TUSC3: variants seen among roughly 807,000 people sequenced by gnomAD.
TUSC3 encodes the protein dolichyl-diphosphooligosaccharide--protein glycosyltransferase subunit TUSC3.
TUSC3 carries 45 observed loss-of-function variants against 44.8 expected under a neutral mutation model. The ratio of observed to expected loss-of-function variants is 1.00; its 90% CI spans 0.79 to 1.29. The LOEUF is 1.29. TUSC3 is among the 50% of genes most tolerant of loss of function. The probability of loss-of-function intolerance (pLI) is 0.00; values close to 1 mark genes in which losing one functional copy is unlikely to be tolerated. For synonymous variants in TUSC3, 212 were observed against 152.9 expected, an observed-to-expected ratio of 1.39 and a Z score of -2.85; for missense variants, 519 against 437.9, an observed-to-expected ratio of 1.19 and a Z score of -1.65.
chr8:15,516,775 G>A (rs1244136733), intron 2 of TUSC3, among the ~76,000 whole-genome samples: 1 of 152,054 alleles, frequency 6.6e-6, no homozygotes. Flanking sequence ...TAAAAATGAA[G>A]AGTAATAGAT....
intron 1 of TUSC3, among the ~76,000 whole-genome samples, chr8:15,448,646 A>C (rs1800143784): frequency 6.6e-6 from 1 of 152,216 alleles, no homozygotes; most frequent in East Asian, 1.9e-4. Flanking sequence ...ATAATATTGC[A>C]GGATTGGCTA....
At chr8:15,485,464 C>CTTTTTTTT (rs11372919) in intron 2 of TUSC3, among the ~76,000 whole-genome samples, 12 of 135,240 alleles carry the variant, frequency 8.9e-5, no homozygotes, top group Non-Finnish European at 4.8e-5. Context: ...ACTCTGTTGT[C>CTTTTTTTT]TTTTTTTTTT....
At chr8:15,671,709 A>T (rs1027357438) in intron 5 of TUSC3, among the ~76,000 whole-genome samples, 2 of 152,040 alleles carry the variant, frequency 1.3e-5, no homozygotes, top group Admixed American at 1.3e-4. Flanking sequence ...CTTTTCCTCC[A>T]TGTAGAATGT....
At chr8:15,802,667 CT>C in the TUSC3 span, among the ~76,000 whole-genome samples, 234 of 147,486 alleles carry the variant, frequency 1.6e-3, no homozygotes, top group South Asian at 3.4e-3. Flanking sequence ...GGATTAATTA[CT>C]TTTTTTTTTT....
intron 5 of TUSC3, among the ~76,000 whole-genome samples, chr8:15,664,437 TTTATTA>T (rs56049201): frequency 0.2 from 28,015 of 143,628 alleles, 3,178 homozygotes; most frequent in African/African-American, 0.29. Context: ...GTTATACAGA[TTTATTA>T]TTATTATTAT....
chr8:15,500,187 A>G (rs1311413709), intron 2 of TUSC3, among the ~76,000 whole-genome samples: 1 of 152,172 alleles, frequency 6.6e-6, no homozygotes, highest in Admixed American at 6.5e-5. Context: ...CTGTACACGT[A>G]TCTGGTGGTG....
intron 6 of TUSC3, among the ~76,000 whole-genome samples, chr8:15,702,531 C>A (rs1809448923): frequency 6.6e-6 from 1 of 152,068 alleles, no homozygotes; most frequent in Non-Finnish European, 1.5e-5. Context: ...GGTGTTCACA[C>A]TGTACTCTCT....
chr8:15,524,793 T>C (rs1203722389), intron 2 of TUSC3, among the ~76,000 whole-genome samples: 3 of 150,788 alleles, frequency 2.0e-5, no homozygotes, highest in Non-Finnish European at 4.4e-5. Flanking sequence ...CCCTATAATA[T>C]GTGATATTAC....
At chr8:15,791,403 A>T in the TUSC3 span, among the ~76,000 whole-genome samples, 1 of 152,244 alleles carries the variant, frequency 6.6e-6, no homozygotes, top group Admixed American at 6.5e-5. Context: ...AGGCCCTATG[A>T]GTTGTTTTCA....
chr8:15,638,012 C>G (rs534895556), intron 2 of TUSC3, among the ~76,000 whole-genome samples: 17 of 152,154 alleles, frequency 1.1e-4, no homozygotes, highest in Non-Finnish European at 2.4e-4. Flanking sequence ...GTGGTGCATT[C>G]TTAAGACTGC....
chr8:15,743,359 A>T, intron 7 of TUSC3, 179 bp from the exon 8 acceptor site: 1 of 632,990 alleles, frequency 1.6e-6, no homozygotes, highest in East Asian at 2.8e-5. Flanking sequence ...TAAATTTTTA[A>T]AGTTAAGGCA....
chr8:15,552,914 A>G (rs572110012), intron 1 of TUSC3, among the ~76,000 whole-genome samples: 1 of 151,798 alleles, frequency 6.6e-6, no homozygotes, highest in South Asian at 2.1e-4. Flanking sequence ...ATGACTTGAA[A>G]TTAGTTGTGG....
At chr8:15,838,759 G>A in the TUSC3 span, among the ~76,000 whole-genome samples, 1 of 152,222 alleles carries the variant, frequency 6.6e-6, no homozygotes, top group Non-Finnish European at 1.5e-5. Context: ...GTTTACTGTA[G>A]CCTTGTAGTA....
Position 15,742,311 on chromosome 8 carries a change from A to G in TUSC3, c.863-1227A>G, listed in dbSNP as rs540825202. ...TTCCTTTTTTCTAGAAAGGGTTCCA[A>G]AGCTAAAACAAATACAATAGTTTGA... On this transcript the variant is annotated intron_variant, in intron 7 of 10. Transcript: ENST00000503731. 1.2e-4 allele frequency among the ~76,000 whole-genome samples: 18 copies of G among 148,356 alleles called. No individual in the cohort carries two copies. The South Asian group carries it at 3.9e-3, about 32-fold the overall frequency.
At chr8:15,621,965 T>C (rs1033008576) in intron 1 of TUSC3, among the ~76,000 whole-genome samples, 1 of 152,172 alleles carries the variant, frequency 6.6e-6, no homozygotes, top group Non-Finnish European at 1.5e-5. Context: ...TGCAAAGCAC[T>C]GCAACAAGTC....
chr8:15,757,915 T>A, intron 10 of TUSC3, 60 bp downstream of exon 10: 1 of 1,468,002 alleles, frequency 6.8e-7, no homozygotes, highest in Non-Finnish European at 9.5e-7. Context: ...ATAGAGAGTA[T>A]AACATTTATC....
At chr8:15,487,636 A>G (rs1348467368) in intron 2 of TUSC3, among the ~76,000 whole-genome samples, 1 of 152,202 alleles carries the variant, frequency 6.6e-6, no homozygotes, top group Non-Finnish European at 1.5e-5. Flanking sequence ...TCTTTCTTTT[A>G]GCTGAGCATT....
intron 1 of TUSC3, among the ~76,000 whole-genome samples, chr8:15,458,870 T>C (rs1177042849): frequency 6.6e-6 from 1 of 152,200 alleles, no homozygotes; most frequent in Non-Finnish European, 1.5e-5. Context: ...GCTTTACAGG[T>C]GGCAAAGTAT....
chr8:15,794,401 A>T, the TUSC3 span, among the ~76,000 whole-genome samples: 1 of 152,160 alleles, frequency 6.6e-6, no homozygotes, highest in East Asian at 1.9e-4. Context: ...AAAATTGATG[A>T]TTCCTCCCAA....
Sources: allele counts gnomAD v4.1 joint callset (sites outside exome capture counted in the v4.1 genomes callset), GRCh38; gene constraint gnomAD v4.1.1; transcripts MANE v1.5; gene names NCBI Gene and HGNC (gene_info 2026-07-23, HGNC 2026-07-21).